RBFOX1: variants seen among roughly 807,000 people sequenced by gnomAD.
RBFOX1 encodes RNA binding protein fox-1 homolog 1.
In RBFOX1, 8 loss-of-function variants were observed where a neutral mutation model predicts 57.7. That is an observed-to-expected ratio of 0.14 (90% CI 0.08 to 0.25). The LOEUF (loss-of-function observed/expected upper bound fraction) is 0.25. Ranked by LOEUF, RBFOX1 falls within the 10% of genes least tolerant of loss-of-function variation. RBFOX1 has a pLI of 1.00. For missense variants in RBFOX1, 611 were observed against 548.5 expected (o/e 1.11, Z -1.14); for synonymous variants, 326 against 222.4 (o/e 1.47, Z -4.15).
intron 1 of RBFOX1, among the ~76,000 whole-genome samples, chr16:6,144,149 C>T (rs1051952977): frequency 6.6e-6 from 1 of 152,030 alleles, no homozygotes; most frequent in East Asian, 1.9e-4. Context: ...ATTCCTATAG[C>T]ATGGATCAAC....
At chr16:6,638,679 T>A (rs1388458934) in intron 2 of RBFOX1, among the ~76,000 whole-genome samples, 1 of 152,192 alleles carries the variant, frequency 6.6e-6, no homozygotes, top group Non-Finnish European at 1.5e-5. Context: ...ATATTACACA[T>A]TTAATGTTGT....
At chr16:5,996,724 A>G (rs2060496841) in intron 4 of RBFOX1, among the ~76,000 whole-genome samples, 1 of 152,110 alleles carries the variant, frequency 6.6e-6, no homozygotes, top group African/African-American at 2.4e-5. Context: ...GATTTAACTG[A>G]CGGTCACAGA....
At chr16:6,261,798 C>T (rs1235009209) in intron 1 of RBFOX1, among the ~76,000 whole-genome samples, 1 of 151,916 alleles carries the variant, frequency 6.6e-6, no homozygotes, top group East Asian at 1.9e-4. Context: ...GAGTTCGAGA[C>T]CAGCCTGGCC....
chr16:5,664,381 C>G lies in RBFOX1; in HGVS notation c.318+65420C>G, dbSNP rs148850448. Among the ~76,000 whole-genome samples the G allele has an allele frequency of 3.0e-3, 453 of 152,212 alleles. 3 individuals carry two copies. Among genetic ancestry groups the G allele is most frequent in the African/African-American group, 0.011 (439 of 41,530 alleles). On this transcript the variant is annotated intron_variant, in intron 3 of 19. Transcript: ENST00000641259. ...TGGCCAACATGGTGAAACACTGTCT[C>G]TACTAAAAATACAAAAATTAGCTGG... is the stretch of plus-strand genomic sequence containing the variant.
At chr16:7,325,908 G>A (rs1014733877) in intron 4 of RBFOX1, among the ~76,000 whole-genome samples, 5 of 152,100 alleles carry the variant, frequency 3.3e-5, no homozygotes, top group Non-Finnish European at 7.3e-5. Context: ...TCTCACCTAC[G>A]CTGGATGGAG....
chr16:7,209,345 A>C (rs755072888), intron 4 of RBFOX1, among the ~76,000 whole-genome samples: 34 of 152,086 alleles, frequency 2.2e-4, no homozygotes, highest in Non-Finnish European at 4.6e-4. Flanking sequence ...CAAATAAATA[A>C]ATAAATAACA....
intron 4 of RBFOX1, among the ~76,000 whole-genome samples, chr16:7,122,499 G>C (rs549843266): frequency 2.6e-5 from 4 of 152,084 alleles, no homozygotes; most frequent in African/African-American, 9.7e-5. Context: ...TTCAGCAAGT[G>C]CAAATGAAAA....
intron 4 of RBFOX1, among the ~76,000 whole-genome samples, chr16:7,182,807 G>T (rs1439188461): frequency 6.6e-6 from 1 of 152,098 alleles, no homozygotes; most frequent in Non-Finnish European, 1.5e-5. Context: ...CCTTAGAAAT[G>T]CCTTCCCTTA....
chr16:5,798,796 GC>G (rs1194818857), intron 3 of RBFOX1, among the ~76,000 whole-genome samples: 3 of 152,212 alleles, frequency 2.0e-5, no homozygotes, highest in Non-Finnish European at 4.4e-5. Context: ...AGGGGTCTGA[GC>G]TGTGAGGTTC....
chr16:6,497,266 A>T (rs2095797179), intron 2 of RBFOX1, among the ~76,000 whole-genome samples: 1 of 152,148 alleles, frequency 6.6e-6, no homozygotes, highest in Non-Finnish European at 1.5e-5. Context: ...TGCCTTCCAG[A>T]CCAGCTCTTC....
At chr16:7,433,029 C>T (rs560691336) in intron 4 of RBFOX1, among the ~76,000 whole-genome samples, 2 of 152,234 alleles carry the variant, frequency 1.3e-5, no homozygotes, top group East Asian at 3.9e-4. Flanking sequence ...CCAGCAAATG[C>T]CACGCAAAAT....
At chr16:5,963,887 CA>C (rs2059797661) in intron 4 of RBFOX1, among the ~76,000 whole-genome samples, 1 of 152,068 alleles carries the variant, frequency 6.6e-6, no homozygotes, top group African/African-American at 2.4e-5. Context: ...GCAACAAAAG[CA>C]AAAATAAAAA....
intron 3 of RBFOX1, among the ~76,000 whole-genome samples, chr16:6,815,143 A>G (rs1033927826): frequency 2.0e-5 from 3 of 152,144 alleles, no homozygotes; most frequent in African/African-American, 7.2e-5. Flanking sequence ...TTGCTACAGC[A>G]TTTGTAAACT....
chr16:6,705,744 A>G (rs1470697814), intron 3 of RBFOX1, among the ~76,000 whole-genome samples: 2 of 152,170 alleles, frequency 1.3e-5, no homozygotes, highest in Non-Finnish European at 1.5e-5. Flanking sequence ...AGGGCCTGGC[A>G]TGGTGGCTTA....
Position 5,253,537 on chromosome 16 carries a change from G to A in RBFOX1, c.219+13432G>A, listed in dbSNP as rs746993044. The stretch of plus-strand genomic sequence containing the variant: ...GTATACTGAGCCTGAGGGTGTATAT[G>A]TGTCCAGCTGGCTTGGAGGTTGTCT... On this transcript the variant is annotated intron_variant, in intron 1 of 2. Coordinates refer to the RBFOX1 transcript ENST00000585867. Among the ~76,000 whole-genome samples the A allele has an allele frequency of 1.9e-3, 282 of 152,300 alleles. 1 individual carries two copies. The highest frequency in any genetic ancestry group is 3.3e-3 in the Non-Finnish European group (227 of 68,028).
chr16:6,175,501 G>A (rs1463371596), intron 1 of RBFOX1, among the ~76,000 whole-genome samples: 2 of 152,018 alleles, frequency 1.3e-5, no homozygotes, highest in African/African-American at 2.4e-5. Context: ...TTTTCTGTAG[G>A]TCGGGGGGGT....
chr16:7,460,872 T>C (rs2059457016), intron 4 of RBFOX1, among the ~76,000 whole-genome samples: 2 of 152,172 alleles, frequency 1.3e-5, no homozygotes, highest in African/African-American at 4.8e-5. Context: ...CAGAGTCTGA[T>C]ATTCTGCAAG....
At chr16:6,762,277 G>A (rs1442984931) in intron 3 of RBFOX1, among the ~76,000 whole-genome samples, 2 of 152,168 alleles carry the variant, frequency 1.3e-5, no homozygotes, top group East Asian at 1.9e-4. Context: ...TGTCTAGAGT[G>A]CAGACTTCTA....
At chr16:6,205,361 C>T (rs2097247971) in intron 1 of RBFOX1, among the ~76,000 whole-genome samples, 2 of 152,186 alleles carry the variant, frequency 1.3e-5, no homozygotes, top group Admixed American at 1.3e-4. Flanking sequence ...TGCATCAAAG[C>T]TGATAAGTCA....
Sources: allele counts gnomAD v4.1 joint callset (sites outside exome capture counted in the v4.1 genomes callset), GRCh38; gene constraint gnomAD v4.1.1; transcripts MANE v1.5; gene names NCBI Gene and HGNC (gene_info 2026-07-23, HGNC 2026-07-21).